The following NALF1 variants were observed in gnomAD, a reference collection of about 807,000 sequenced individuals.
NALF1 encodes the protein NALCN channel auxiliary factor 1, also known as family with sequence similarity 155 member A.
NALF1 carries 3 observed loss-of-function variants against 48.4 expected under a neutral mutation model. The observed-to-expected ratio is 0.06, with a 90% confidence interval of 0.03 to 0.16. NALF1 has a LOEUF of 0.16. Ranked by LOEUF, NALF1 falls within the 10% of genes least tolerant of loss-of-function variation. The probability of loss-of-function intolerance (pLI) is 1.00; values close to 1 mark genes in which losing one functional copy is unlikely to be tolerated. For synonymous variants in NALF1, 262 were observed against 245.7 expected (o/e 1.07, Z -0.62); for missense variants, 526 against 571.5 (o/e 0.92, Z 0.81).
intron 1 of NALF1, among the ~76,000 whole-genome samples, chr13:107,263,041 G>A (rs115526089): frequency 0.011 from 1,733 of 152,252 alleles, 26 homozygotes; most frequent in African/African-American, 0.039. Context: ...AGGTGAGGAA[G>A]AGTTGAGGGG....
chr13:107,749,349 C>T (rs1024393280), intron 1 of NALF1, among the ~76,000 whole-genome samples: 1 of 151,766 alleles, frequency 6.6e-6, no homozygotes. Context: ...TGAAGAGAAC[C>T]GTCACTGTCT....
chr13:107,783,385 G>A (rs927573383), intron 1 of NALF1, among the ~76,000 whole-genome samples: 45 of 152,170 alleles, frequency 3.0e-4, no homozygotes, highest in African/African-American at 9.4e-4. Flanking sequence ...ATTGAGAACG[G>A]GCCATGATGA....
chr13:107,519,070 T>C (rs1210016910), intron 1 of NALF1, among the ~76,000 whole-genome samples: 3 of 152,186 alleles, frequency 2.0e-5, no homozygotes, highest in Admixed American at 6.5e-5. Flanking sequence ...CATAATTTAG[T>C]GTCTGCCTTC....
intron 1 of NALF1, among the ~76,000 whole-genome samples, chr13:107,303,243 T>C (rs549952745): frequency 1.3e-5 from 2 of 152,330 alleles, no homozygotes; most frequent in Middle Eastern, 3.4e-3. Context: ...CTTTTTGTTG[T>C]TGAGCTGTAG....
At chr13:107,595,905 T>G (rs1317674632) in intron 1 of NALF1, among the ~76,000 whole-genome samples, 2 of 152,142 alleles carry the variant, frequency 1.3e-5, no homozygotes, top group African/African-American at 2.4e-5. Flanking sequence ...CCTCTGACTT[T>G]TCTGCCTAGG....
chr13:107,742,833 C>T (rs1876678050), intron 1 of NALF1, among the ~76,000 whole-genome samples: 1 of 152,198 alleles, frequency 6.6e-6, no homozygotes, highest in African/African-American at 2.4e-5. Context: ...TGGCACCCAA[C>T]AACCACCAGT....
At chr13:107,632,908 T>G (rs201937234) in intron 1 of NALF1, among the ~76,000 whole-genome samples, 1 of 65,222 alleles carries the variant, frequency 1.5e-5, no homozygotes, top group Non-Finnish European at 3.5e-5. Context: ...ACAAGCCTCA[T>G]GAAAAAAAAA....
intron 1 of NALF1, among the ~76,000 whole-genome samples, chr13:107,315,572 A>G (rs1882131166): frequency 1.3e-5 from 2 of 152,074 alleles, no homozygotes; most frequent in Admixed American, 1.3e-4. Flanking sequence ...GCAATTTCCA[A>G]GGTACTTTGT....
intron 1 of NALF1, among the ~76,000 whole-genome samples, chr13:107,436,777 G>A (rs1884470124): frequency 6.6e-6 from 1 of 152,076 alleles, no homozygotes; most frequent in East Asian, 1.9e-4. Flanking sequence ...TTAGAAAGAA[G>A]AAGTAAAACT....
intron 1 of NALF1, among the ~76,000 whole-genome samples, chr13:107,475,132 G>A (rs950856313): frequency 6.6e-6 from 1 of 152,180 alleles, no homozygotes; most frequent in South Asian, 2.1e-4. Flanking sequence ...GAGCTGAAAT[G>A]TGAAAGGGAA....
At chr13:107,534,178 G>A (rs1226102468) in intron 1 of NALF1, among the ~76,000 whole-genome samples, 1 of 152,118 alleles carries the variant, frequency 6.6e-6, no homozygotes, top group African/African-American at 2.4e-5. Flanking sequence ...CAGAAACTCT[G>A]CCGTGGTGCC....
At chr13:107,574,731 T>C (rs777944147) in intron 1 of NALF1, among the ~76,000 whole-genome samples, 5 of 152,176 alleles carry the variant, frequency 3.3e-5, no homozygotes, top group Non-Finnish European at 7.3e-5. Context: ...TTTTGGTTGA[T>C]TCCACAGCTT....
intron 1 of NALF1, among the ~76,000 whole-genome samples, chr13:107,597,516 C>T (rs1421961974): frequency 6.6e-6 from 1 of 152,054 alleles, no homozygotes; most frequent in African/African-American, 2.4e-5. Flanking sequence ...CCGAGACTAT[C>T]AATCTCATAC....
intron 1 of NALF1, among the ~76,000 whole-genome samples, chr13:107,334,613 T>C (rs949530922): frequency 6.6e-6 from 1 of 152,194 alleles, no homozygotes; most frequent in Non-Finnish European, 1.5e-5. Flanking sequence ...TTACAAAAAG[T>C]TTTTTCTTGG....
intron 1 of NALF1, among the ~76,000 whole-genome samples, chr13:107,534,992 TATTGCTGTATAAG>T (rs1362265938): frequency 6.6e-6 from 1 of 152,160 alleles, no homozygotes; most frequent in Non-Finnish European, 1.5e-5. Flanking sequence ...GTGTTTCTGT[TATTGCTGTATAAG>T]AATGCTTGTG....
intron 1 of NALF1, among the ~76,000 whole-genome samples, chr13:107,384,501 T>C (rs1227991088): frequency 6.6e-6 from 1 of 152,158 alleles, no homozygotes; most frequent in Non-Finnish European, 1.5e-5. Context: ...TTTGGTGGTT[T>C]TTTTTATTTT....
At chr13:107,844,081 TC>T (rs1290309696) in intron 1 of NALF1, among the ~76,000 whole-genome samples, 1 of 152,238 alleles carries the variant, frequency 6.6e-6, no homozygotes, top group East Asian at 1.9e-4. Context: ...CTCACTCTTC[TC>T]TTACCCAATC....
intron 1 of NALF1, among the ~76,000 whole-genome samples, chr13:107,398,317 A>T (rs757558442): frequency 8.5e-5 from 13 of 152,102 alleles, no homozygotes; most frequent in South Asian, 2.1e-4. Flanking sequence ...ATTTTCCCTT[A>T]ACCAAATAAA....
chr13:107,703,946 G>A (rs1219105165), intron 1 of NALF1, among the ~76,000 whole-genome samples: 1 of 151,992 alleles, frequency 6.6e-6, no homozygotes, highest in Non-Finnish European at 1.5e-5. Context: ...ATGGCCAAAA[G>A]GTTTTGGTTC....
Sources: gnomAD v4.1 joint callset for allele counts (sites outside exome capture counted in the v4.1 genomes callset) on GRCh38, gnomAD v4.1.1 for gene constraint, MANE v1.5 for transcripts, NCBI Gene and HGNC (gene_info 2026-07-23, HGNC 2026-07-21) for gene names.